Variants in RNF135 observed in about 807,000 individuals in gnomAD.
RNF135 encodes ring finger protein 135.
Under a neutral mutation model 41.9 loss-of-function variants are expected in RNF135, and 46 were observed. The ratio of observed to expected loss-of-function variants is 1.10; its 90% CI spans 0.87 to 1.40. The LOEUF (loss-of-function observed/expected upper bound fraction) is 1.40. Among genes scored for constraint, RNF135 ranks in the 40% most tolerant of loss-of-function variants. The pLI is 0.00. For synonymous variants in RNF135, 238 were observed against 223.8 expected, an observed-to-expected ratio of 1.06 and a Z score of -0.57; for missense variants, 539 against 549.8, an observed-to-expected ratio of 0.98 and a Z score of 0.20.
chr17:30,987,519 A>G (rs573578183), intron 2 of RNF135, among the ~76,000 whole-genome samples: 1 of 152,194 alleles, frequency 6.6e-6, no homozygotes, highest in Non-Finnish European at 1.5e-5. Flanking sequence ...GGTGTGAGCC[A>G]CCACACCTAG....
chr17:30,988,926 T>G (rs1248960289), intron 3 of RNF135, among the ~76,000 whole-genome samples: 1 of 100,942 alleles, frequency 9.9e-6, no homozygotes, highest in East Asian at 2.1e-4. Context: ...CTTTCTTTCT[T>G]TTTTTTTTTT....
chr17:30,965,376 T>TAC, the RNF135 span: 2 of 151,844 alleles, frequency 1.3e-5, no homozygotes, highest in Non-Finnish European at 2.9e-5. Context: ...CAAAAATGTA[T>TAC]ATATATATGT....
chr17:30,965,201 C>T, the RNF135 span: 2 of 151,906 alleles, frequency 1.3e-5, no homozygotes, highest in Admixed American at 6.6e-5. Context: ...AATACAATAA[C>T]AGGGCATGGT....
At chr17:30,968,776 A>C, upstream of RNF135, 1 of 152,362 alleles carries the variant, frequency 6.6e-6, no homozygotes, top group African/African-American at 2.4e-5. Context: ...ACTACTGGTT[A>C]ACTCACTCTT....
chr17:30,966,375 A>T (rs1468456170), upstream of RNF135, among the ~76,000 whole-genome samples: 3 of 127,794 alleles, frequency 2.3e-5, no homozygotes, highest in African/African-American at 9.1e-5. Flanking sequence ...TATTTATTTA[A>T]TTTTTAAGTT....
chr17:30,966,624 T>G (rs28796625), upstream of RNF135, among the ~76,000 whole-genome samples: 30,232 of 150,546 alleles, frequency 0.2, 9,612 homozygotes, highest in African/African-American at 0.68. Flanking sequence ...GCCTCCCGAG[T>G]AGCTGAGACT....
upstream of RNF135, among the ~76,000 whole-genome samples, chr17:30,967,562 C>T (rs1462742788): frequency 4.6e-5 from 7 of 152,120 alleles, no homozygotes; most frequent in East Asian, 1.4e-3. Context: ...AAATTTAATA[C>T]ACATACATAC....
intron 1 of RNF135, chr17:30,975,548 A>G (rs1906370022): frequency 2.6e-6 from 2 of 782,434 alleles, no homozygotes; most frequent in Non-Finnish European, 4.7e-6. Flanking sequence ...GAAAATAGAC[A>G]TACACCCAAC....
At chr17:30,993,844 T>C in intron 3 of RNF135, 1 of 841,814 alleles carries the variant, frequency 1.2e-6, no homozygotes, top group Non-Finnish European at 1.9e-6. Flanking sequence ...ACACAGGTTC[T>C]CTGTTGCCCA....
chr17:30,987,579 G>T (rs1490533550), intron 2 of RNF135, among the ~76,000 whole-genome samples: 1 of 152,132 alleles, frequency 6.6e-6, no homozygotes, highest in Non-Finnish European at 1.5e-5. Context: ...ACTATCTGTA[G>T]TATTTATTTT....
chr17:30,960,619 C>A, the RNF135 span, among the ~76,000 whole-genome samples: 6 of 152,044 alleles, frequency 3.9e-5, no homozygotes, highest in Non-Finnish European at 8.8e-5. Context: ...CTTCCCCTGC[C>A]CCGTGGCAAC....
intron 1 of RNF135, among the ~76,000 whole-genome samples, chr17:30,973,472 GT>G (rs58753741): frequency 0.19 from 27,303 of 144,472 alleles, 7,898 homozygotes; most frequent in African/African-American, 0.63. Flanking sequence ...TCTTCTAAGA[GT>G]TTTTTTTTTT....
At chr17:30,969,750 CT>C (rs1242518243), upstream of RNF135, among the ~76,000 whole-genome samples, 22 of 141,796 alleles carry the variant, frequency 1.6e-4, no homozygotes, top group African/African-American at 5.2e-4. Context: ...TCTTTTCTTT[CT>C]TTTTTTTCTT....
intron 1 of RNF135, among the ~76,000 whole-genome samples, chr17:30,975,218 G>A (rs888801603): frequency 3.9e-5 from 6 of 152,154 alleles, no homozygotes; most frequent in African/African-American, 7.2e-5. Context: ...AGCTACTTGC[G>A]AGACTGAGGT....
intron 1 of RNF135, among the ~76,000 whole-genome samples, chr17:30,983,320 CATATATATATAT>C (rs1189144519): frequency 0.011 from 414 of 37,014 alleles, 21 homozygotes; most frequent in Middle Eastern, 0.025. Context: ...CATATATGTA[CATATATATATAT>C]ATATATATAT....
intron 1 of RNF135, chr17:30,980,116 C>T: frequency 7.1e-6 from 1 of 141,318 alleles, no homozygotes; most frequent in Non-Finnish European, 1.5e-5. Flanking sequence ...GACGGGGCGA[C>T]TGGCCGGGCA....
chr17:30,966,316 ACTT>A (rs990742293), upstream of RNF135, among the ~76,000 whole-genome samples: 2 of 149,038 alleles, frequency 1.3e-5, no homozygotes, highest in South Asian at 2.1e-4. Context: ...GAAAGTGAAT[ACTT>A]CTTTTTTTAT....
At chr17:30,980,929 A>G (rs771363886) in intron 1 of RNF135, among the ~76,000 whole-genome samples, 5 of 150,550 alleles carry the variant, frequency 3.3e-5, no homozygotes, top group African/African-American at 7.4e-5. Context: ...TGGGTGGCCA[A>G]GCAGAGAAGC....
upstream of RNF135, among the ~76,000 whole-genome samples, chr17:30,966,679 G>A (rs1000983845): frequency 1.7e-5 from 2 of 116,024 alleles, no homozygotes. Flanking sequence ...TTTTTTTTTT[G>A]TATTTTTAGT....
Sources: allele counts gnomAD v4.1 joint callset (sites outside exome capture counted in the v4.1 genomes callset), GRCh38; gene constraint gnomAD v4.1.1; transcripts MANE v1.5; gene names NCBI Gene and HGNC (gene_info 2026-07-23, HGNC 2026-07-21).